TRIP13: variants seen among roughly 807,000 people sequenced by gnomAD.
The protein encoded by TRIP13 is pachytene checkpoint protein 2 homolog.
In TRIP13, 25 loss-of-function variants were observed where a neutral mutation model predicts 54.4. The ratio of observed to expected loss-of-function variants is 0.46; its 90% CI spans 0.33 to 0.64. TRIP13 has a LOEUF of 0.64. TRIP13 is among the 30% of genes least tolerant of loss of function. The probability of loss-of-function intolerance (pLI) is 0.02; values close to 1 mark genes in which losing one functional copy is unlikely to be tolerated. For missense variants in TRIP13, 373 were observed against 534.2 expected, an observed-to-expected ratio of 0.70 and a Z score of 2.97; for synonymous variants, 207 against 207.8, an observed-to-expected ratio of 1.00 and a Z score of 0.03.
intron 9 of TRIP13, among the ~76,000 whole-genome samples, chr5:910,707 C>T (rs1173686141): frequency 1.3e-5 from 2 of 152,184 alleles, no homozygotes. Flanking sequence ...CTCTTTCTGT[C>T]CCCCACCAGT....
At chr5:903,456 CATAT>C (rs1232183017) in intron 5 of TRIP13, among the ~76,000 whole-genome samples, 2 of 151,980 alleles carry the variant, frequency 1.3e-5, no homozygotes, top group African/African-American at 4.8e-5. Context: ...GATTAATATT[CATAT>C]ATAATCATAT....
chr5:900,623 C>G (rs1399972623), intron 4 of TRIP13, 74 bp downstream of exon 4: 27 of 1,521,810 alleles, frequency 1.8e-5, no homozygotes, highest in Non-Finnish European at 3.6e-6. Flanking sequence ...TCTCCAACAC[C>G]CCTGAGCAAC....
intron 10 of TRIP13, among the ~76,000 whole-genome samples, 163 bp from the exon 11 acceptor site, chr5:914,302 T>C (rs1754298706): frequency 6.6e-6 from 1 of 152,198 alleles, no homozygotes; most frequent in African/African-American, 2.4e-5. Context: ...GAGAGCGAGC[T>C]TGTTCCCTAG....
In TRIP13 at chr5:912,489, C is replaced by A. The variant is rs966330203; in HGVS notation, c.1020+493C>A. On this transcript the variant is annotated intron_variant, in intron 10 of 12. Transcript: ENST00000166345. This position sits in a 1 kb window ranked among gnomAD's most constrained non-coding sequence, Gnocchi z 7.2. ...CACTGTTGCCGTGGGCAGAGCGACG[C>A]GTGCGGGTTGTGTGTGTGAGTCAGG... Among the ~76,000 whole-genome samples the A allele has an allele frequency of 2.0e-5, 3 of 151,814 alleles. No homozygotes were observed. The highest frequency in any genetic ancestry group is 7.3e-5 in the African/African-American group (3 of 41,302).
intron 2 of TRIP13, among the ~76,000 whole-genome samples, 161 bp from the exon 3 acceptor site, chr5:896,504 A>C (rs1488658639): frequency 6.6e-6 from 1 of 152,218 alleles, no homozygotes; most frequent in Admixed American, 6.5e-5. Flanking sequence ...GCCAATCCTC[A>C]ATCTGAAATA....
chr5:903,681 A>T (rs892243801), intron 5 of TRIP13, among the ~76,000 whole-genome samples: 14 of 152,022 alleles, frequency 9.2e-5, no homozygotes, highest in Non-Finnish European at 1.9e-4. Context: ...CTTAGGAAAG[A>T]GGGTGGTTCT....
At chr5:909,550 C>T (rs1288227902) in intron 9 of TRIP13, among the ~76,000 whole-genome samples, 4 of 152,040 alleles carry the variant, frequency 2.6e-5, no homozygotes, top group South Asian at 2.1e-4. Context: ...AAGACCAGCT[C>T]GGTCGGGGAG....
intron 3 of TRIP13, among the ~76,000 whole-genome samples, chr5:897,181 T>G (rs1753935606): frequency 6.7e-6 from 1 of 150,348 alleles, no homozygotes; most frequent in South Asian, 2.2e-4. Flanking sequence ...TGGATTTGGA[T>G]GGGCTCTAGC....
chr5:918,919 A>G (rs1754382031), downstream of TRIP13: 1 of 152,170 alleles, frequency 6.6e-6, no homozygotes, highest in Admixed American at 6.5e-5. This position sits in a 1 kb window ranked among gnomAD's most constrained non-coding sequence, Gnocchi z 4.3. Flanking sequence ...CAGTGACTCA[A>G]ATGTTAATCT....
At position 914,498 on chromosome 5, in the gene TRIP13, A is replaced by G. The variant is rs746965309; in HGVS notation, c.1054A>G (p.Thr352Ala). The change falls in exon 11 of 13, where the codon ACC becomes GCC. Residue 352 changes from threonine to alanine, a missense_variant. By Grantham distance (58) the Thr-to-Ala change is moderately conservative. Around this residue, in one of 4 missense-constraint regions of TRIP13, gnomAD observed 101 missense variants for 138.5 expected, o/e 0.73. Coordinates refer to ENST00000166345, the MANE Select transcript of TRIP13 (RefSeq NM_004237.4). ...CATATACCCTCGCCAGCAGCTGCTGACCCTCCGAGAGCTAGAGATGATTGG... is the reference window on the plus strand; with the variant it reads ...CATATACCCTCGCCAGCAGCTGCTGGCCCTCCGAGAGCTAGAGATGATTGG... ...QIIYPRQQLL[T>A]LRELEMIGFI... 1.9e-6 allele frequency: 3 copies of G among 1,613,490 alleles called. No homozygotes were observed. The highest frequency in any genetic ancestry group is 1.1e-5 in the South Asian group (1 of 91,064).
At position 917,312 on chromosome 5, in the gene TRIP13, T is replaced by G; in HGVS notation, c.*209T>G. On this transcript the variant is annotated 3_prime_UTR_variant, in exon 13 of 13. Coordinates refer to ENST00000166345, the MANE Select transcript of TRIP13 (RefSeq NM_004237.4). Reference sequence around the variant, plus strand: ...AATGCATACTGAGAGACAAACATCTTGTCATTTTCACTGTTTGTAAAAGAT... The same window carrying G: ...AATGCATACTGAGAGACAAACATCTGGTCATTTTCACTGTTTGTAAAAGAT... The G allele has an allele frequency of 2.0e-6, 1 of 494,112 alleles. No homozygotes were observed. Among genetic ancestry groups the G allele is most frequent in the Non-Finnish European group, 3.6e-6 (1 of 279,782 alleles). 30.6% of individuals were successfully genotyped at this position (494,112 alleles called of 1,614,324 possible). A position where few individuals can be genotyped will look rare whatever the true frequency, so the allele number is the denominator to read the frequency against.
At chr5:910,507 A>C (rs908544893) in intron 9 of TRIP13, among the ~76,000 whole-genome samples, 1 of 151,540 alleles carries the variant, frequency 6.6e-6, no homozygotes, top group African/African-American at 2.4e-5. Context: ...CCAAATCCCT[A>C]ACTTCCTGGG....
At chr5:906,750 G>C (rs1236592365) in intron 6 of TRIP13, among the ~76,000 whole-genome samples, 1 of 152,178 alleles carries the variant, frequency 6.6e-6, no homozygotes, top group Non-Finnish European at 1.5e-5. Context: ...GGTCTGTGCT[G>C]TTTAGGGTTC....
chr5:907,957 C>T lies in TRIP13; in HGVS notation c.673-31C>T, dbSNP rs368808613. On this transcript the variant is annotated intron_variant, in intron 7 of 12. Coordinates refer to ENST00000166345, the MANE Select transcript of TRIP13 (RefSeq NM_004237.4). This position sits in a 1 kb window ranked among gnomAD's most constrained non-coding sequence, Gnocchi z 4.1. ...TGCACCTGGCAGTGTGGTCCCTGCA[C>T]GTTGACACTAAAAGGGTGTTTGGGT... 3.7e-5 allele frequency: 59 copies of T among 1,611,348 alleles called. No individual in the cohort carries two copies. The highest frequency in any genetic ancestry group is 2.0e-4 in the African/African-American group (15 of 75,008).
At position 916,696 on chromosome 5, in the gene TRIP13, C is replaced by T. The variant is rs187197026; in HGVS notation, c.1204-312C>T. 2.1e-3 allele frequency among the ~76,000 whole-genome samples: 314 copies of T among 152,312 alleles called. 6 individuals are homozygous for T. The highest frequency in any genetic ancestry group is 9.6e-4 in the East Asian group (5 of 5,182). ...GGGTGGGCCCTCCAGGGTCTGCTCCCTACAGCTTCTCATCCTTCTCAGTGT... is the reference window on the plus strand; with the variant it reads ...GGGTGGGCCCTCCAGGGTCTGCTCCTTACAGCTTCTCATCCTTCTCAGTGT... On this transcript the variant is annotated intron_variant, in intron 12 of 12. Transcript: ENST00000166345.
intron 5 of TRIP13, 83 bp from the exon 6 acceptor site, chr5:904,065 A>G: frequency 8.0e-7 from 1 of 1,247,322 alleles, no homozygotes; most frequent in Non-Finnish European, 1.1e-6. Flanking sequence ...CTTATATTTT[A>G]TGGATAATGG....
chr5:897,101 G>A (rs532392389), intron 3 of TRIP13, among the ~76,000 whole-genome samples: 5 of 152,270 alleles, frequency 3.3e-5, no homozygotes, highest in East Asian at 1.9e-4. Context: ...ATGCTTCTCC[G>A]TGGGCATTGC....
rs781707278 is a variant in TRIP13, at chr5:911,957, C to T, written c.981C>T (p.Ile327=). 4 of 1,613,498 alleles carry T rather than the reference C, an allele frequency of 2.5e-6. No individual in the cohort carries two copies. The East Asian group carries it at 6.7e-5, about 27-fold the overall frequency. ...TTGGGCCACCCTCTGCAGCAGCCAT[C>T]TTCAAAATCTACCTCTCTTGTTTGG... ...QYIGPPSAAA[I]FKIYLSCLEE... Residue 327 remains isoleucine, a synonymous_variant, in exon 10 of 13, where the codon ATC becomes ATT. Coordinates refer to ENST00000166345, the MANE Select transcript of TRIP13 (RefSeq NM_004237.4). The surrounding 1 kb of genome is among the most constrained non-coding windows in gnomAD (Gnocchi z 4.7).
Position 912,373 on chromosome 5 carries a change from A to G in TRIP13, c.1020+377A>G, listed in dbSNP as rs1264868867. On this transcript the variant is annotated intron_variant, in intron 10 of 12. Coordinates refer to ENST00000166345, the MANE Select transcript of TRIP13 (RefSeq NM_004237.4). The surrounding 1 kb of genome is among the most constrained non-coding windows in gnomAD (Gnocchi z 7.2). ...GCCTGTATCCTTACCTGAAAGAGGA[A>G]ACATCACGGGCGTAGTATGGGCCTG... Among the ~76,000 whole-genome samples the G allele has an allele frequency of 1.3e-5, 2 of 152,036 alleles. No homozygotes were observed. The highest frequency in any genetic ancestry group is 2.9e-5 in the Non-Finnish European group (2 of 67,996).
Sources: allele counts gnomAD v4.1 joint callset (sites outside exome capture counted in the v4.1 genomes callset), GRCh38; gene constraint gnomAD v4.1.1; regional missense constraint gnomAD v4.1.1; non-coding constraint Gnocchi (gnomAD v3.1); transcripts MANE v1.5; gene names NCBI Gene and HGNC (gene_info 2026-07-23, HGNC 2026-07-21).